The following PTPN14 variants were observed in gnomAD, a reference collection of about 807,000 sequenced individuals.
The protein encoded by PTPN14 is tyrosine-protein phosphatase non-receptor type 14.
PTPN14 carries 53 observed loss-of-function variants against 126.8 expected under a neutral mutation model. The ratio of observed to expected loss-of-function variants is 0.42; its 90% CI spans 0.34 to 0.53. PTPN14 has a LOEUF of 0.53. PTPN14 is among the 20% of genes least tolerant of loss of function. The pLI is 0.08. For missense variants in PTPN14, 1,257 were observed against 1,552.9 expected, an observed-to-expected ratio of 0.81 and a Z score of 3.20; for synonymous variants, 630 against 599.3, an observed-to-expected ratio of 1.05 and a Z score of -0.75.
chr1:214,458,054 GAT>G lies in PTPN14; in HGVS notation c.175-6082_175-6081del, dbSNP rs201174059. On this transcript the variant is annotated intron_variant, in intron 2 of 18. Coordinates refer to ENST00000366956, the MANE Select transcript of PTPN14 (RefSeq NM_005401.5). ...ATCTATACCTAGAGAGAGAGAGAGA[GAT>G]AGAGAGAGAGAGACAGAGAGATTCA... Among the ~76,000 whole-genome samples the G allele has an allele frequency of 6.5e-3, 953 of 146,784 alleles. 10 individuals are homozygous for G. Among genetic ancestry groups the G allele is most frequent in the African/African-American group, 0.025 (922 of 36,528 alleles).
rs1429463062 is a variant in PTPN14, at chr1:214,446,058, C to G, written c.344+5747G>C. 2.6e-5 allele frequency among the ~76,000 whole-genome samples: 4 copies of G among 152,132 alleles called. No homozygotes were observed. In the East Asian group the frequency reaches 7.7e-4, roughly 29 times the overall value. On this transcript the variant is annotated intron_variant, in intron 3 of 18. Transcript: ENST00000366956. ...ATGGAAAAAATTACAGTGGTCCCAT[C>G]CCTTGAGTCATTTTAACCAACAGGG... is the stretch of plus-strand genomic sequence containing the variant.
chr1:214,368,887 CAGG>C (rs1311864149), intron 17 of PTPN14, among the ~76,000 whole-genome samples: 11 of 152,284 alleles, frequency 7.2e-5, no homozygotes, highest in Admixed American at 5.2e-4. Context: ...GAGGCTGAGG[CAGG>C]AGAATTGCTT....
chr1:214,496,259 T>C (rs563410897), intron 1 of PTPN14, among the ~76,000 whole-genome samples: 4 of 152,252 alleles, frequency 2.6e-5, no homozygotes, highest in African/African-American at 9.6e-5. Context: ...AAATGTGGAA[T>C]AATAGTGTGC....
chr1:214,450,854 C>G (rs1288920245), intron 3 of PTPN14, among the ~76,000 whole-genome samples: 1 of 152,210 alleles, frequency 6.6e-6, no homozygotes, highest in Non-Finnish European at 1.5e-5. Context: ...ACAAATCCCT[C>G]ACTTTACAGA....
chr1:214,458,617 T>TTCAGTA (rs2102643837), intron 2 of PTPN14, among the ~76,000 whole-genome samples: 1 of 39,008 alleles, frequency 2.6e-5, no homozygotes, highest in Non-Finnish European at 4.9e-5. Context: ...CACAGGGTAC[T>TTCAGTA]TCTATTTAAG....
chr1:214,417,020 G>GA (rs60070494), intron 3 of PTPN14, among the ~76,000 whole-genome samples: 79 of 140,952 alleles, frequency 5.6e-4, no homozygotes, highest in East Asian at 1.4e-3. Flanking sequence ...AGGGGAAAAG[G>GA]AAAAAAAAAA....
At chr1:214,475,392 A>T in intron 1 of PTPN14, among the ~76,000 whole-genome samples, 1 of 152,214 alleles carries the variant, frequency 6.6e-6, no homozygotes, top group East Asian at 1.9e-4. Context: ...AAATATAAAG[A>T]ACCATCAATT....
Position 214,488,182 on chromosome 1 carries a change from T to A in PTPN14, c.-154-23225A>T, listed in dbSNP as rs140467761. On this transcript the variant is annotated intron_variant, in intron 1 of 18. Transcript: ENST00000366956. ...AATGAAATTTTGTACTGAGCACAGA[T>A]AATCTTCTACTTGTACTTATGGGCC... Among the ~76,000 whole-genome samples the A allele has an allele frequency of 2.6e-3, 392 of 152,336 alleles. 4 individuals are homozygous for A. Among genetic ancestry groups the A allele is most frequent in the African/African-American group, 8.8e-3 (367 of 41,578 alleles).
At chr1:214,396,136 A>G (rs925874834) in intron 8 of PTPN14, among the ~76,000 whole-genome samples, 2 of 152,190 alleles carry the variant, frequency 1.3e-5, no homozygotes, top group Admixed American at 1.3e-4. Context: ...GAAGAATAAA[A>G]AGCAATAATA....
rs556364374 is a variant in PTPN14 at position 214,383,679 on chromosome 1, T to C, written c.2176A>G (p.Met726Val). The C allele has an allele frequency of 4.3e-6, 7 of 1,613,408 alleles. No individual in the cohort carries two copies. In the African/African-American group the frequency reaches 5.3e-5, roughly 12 times the overall value. The change falls in exon 13 of 19, where the codon ATG becomes GTG. Residue 726 changes from methionine to valine, a missense_variant. Physicochemically the swap from Met to Val is conservative, Grantham distance 21. Transcript: ENST00000366956. This position sits in a 1 kb window ranked among gnomAD's most constrained non-coding sequence, Gnocchi z 4.4. ...EAPESVPQIP[M>V]LREKMEYSAQ... ...CTGTACTCCATCTTCTCCCGGAGCA[T>C]GGGGATCTGGGGCACCGATTCTGGA...
At chr1:214,435,107 T>C (rs1297292862) in intron 3 of PTPN14, among the ~76,000 whole-genome samples, 2 of 152,176 alleles carry the variant, frequency 1.3e-5, no homozygotes, top group Non-Finnish European at 2.9e-5. Flanking sequence ...ATTAAAAATA[T>C]AGGAGTACTT....
chr1:214,397,607 G>T (rs1033305313), intron 8 of PTPN14, among the ~76,000 whole-genome samples: 9 of 152,226 alleles, frequency 5.9e-5, no homozygotes, highest in Non-Finnish European at 8.8e-5. Flanking sequence ...ACAATGGAAA[G>T]AAGTGTTTAG....
At position 214,384,472 on chromosome 1, in the gene PTPN14, G is replaced by A. The variant is rs78710334; in HGVS notation, c.1383C>T (p.Ser461=). ...TGAGGTTTCTCAGAGACTGGCTCTG[G>A]CTGTCTGTATGCAGGATCCCCCTCT... The part of the protein sequence containing the change: ...QMKRGILHTD[S]QSQSLRNLNI... Residue 461 remains serine, a synonymous_variant, in exon 13 of 19, where the codon AGC becomes AGT. Coordinates refer to ENST00000366956, the MANE Select transcript of PTPN14 (RefSeq NM_005401.5). This position sits in a 1 kb window ranked among gnomAD's most constrained non-coding sequence, Gnocchi z 5.3. 2,647 of 1,614,118 alleles carry A rather than the reference G, an allele frequency of 1.6e-3. 43 individuals are homozygous for A. In the African/African-American group the frequency reaches 0.031, roughly 19 times the overall value.
rs577854182 is a variant in PTPN14, at chr1:214,372,490, T to C, written c.3036+221A>G. ...CCAAGGAAAAGAGTTAAAAGCCAGATGAAAATGGGAGGAGGAAAAGCTACA... is the reference window on the plus strand; with the variant it reads ...CCAAGGAAAAGAGTTAAAAGCCAGACGAAAATGGGAGGAGGAAAAGCTACA... On this transcript the variant is annotated intron_variant, in intron 16 of 18. Transcript: ENST00000366956. 6.6e-6 allele frequency: 4 copies of C among 608,124 alleles called. No individual in the cohort carries two copies. The East Asian group carries it at 1.3e-4, about 20-fold the overall frequency. The allele number at this position is 608,124 out of a possible 1,614,324, so 37.7% of individuals were successfully genotyped here. A position where few individuals can be genotyped will look rare whatever the true frequency, so the allele number is the denominator to read the frequency against.
At chr1:214,362,579 T>C (rs754689126) in intron 18 of PTPN14, among the ~76,000 whole-genome samples, 5 of 152,244 alleles carry the variant, frequency 3.3e-5, no homozygotes, top group East Asian at 1.9e-4. Context: ...TGAGCCCCCA[T>C]GTCATTGCCT....
At chr1:214,449,174 T>G (rs888124506) in intron 3 of PTPN14, among the ~76,000 whole-genome samples, 1 of 150,986 alleles carries the variant, frequency 6.6e-6, no homozygotes, top group Non-Finnish European at 1.5e-5. Flanking sequence ...GCCCGGCTAA[T>G]TTTTTGTATT....
intron 1 of PTPN14, among the ~76,000 whole-genome samples, chr1:214,520,065 A>AAAAAAAAAAAAATATATATATAT: frequency 2.4e-4 from 17 of 71,092 alleles, no homozygotes; most frequent in South Asian, 1.3e-3. Context: ...AAAAAAAAAA[A>AAAAAAAAAAAAATATATATATAT]ATATATATAT....
At chr1:214,388,158 A>C (rs186502884) in intron 11 of PTPN14, among the ~76,000 whole-genome samples, 1 of 152,346 alleles carries the variant, frequency 6.6e-6, no homozygotes, top group African/African-American at 2.4e-5. Flanking sequence ...GTGAACCAAC[A>C]AAGGAAAGAC....
At chr1:214,501,118 C>A (rs1383578828) in intron 1 of PTPN14, among the ~76,000 whole-genome samples, 1 of 152,202 alleles carries the variant, frequency 6.6e-6, no homozygotes, top group Non-Finnish European at 1.5e-5. Flanking sequence ...CGCAATTCGT[C>A]TCATGGAGCT....
Sources: allele counts gnomAD v4.1 joint callset (sites outside exome capture counted in the v4.1 genomes callset), GRCh38; gene constraint gnomAD v4.1.1; non-coding constraint Gnocchi (gnomAD v3.1); transcripts MANE v1.5; gene names NCBI Gene and HGNC (gene_info 2026-07-23, HGNC 2026-07-21).